Variants in PPARG observed in about 807,000 individuals in gnomAD.
PPARG encodes peroxisome proliferator-activated receptor gamma.
A neutral mutation model predicts 39.2 loss-of-function variants in PPARG; 17 were observed. The observed-to-expected ratio is 0.43, with a 90% CI of 0.30 to 0.65. The LOEUF is 0.65. Among genes scored for constraint, PPARG ranks in the 30% least tolerant of loss-of-function variants. PPARG has a pLI of 0.13. For synonymous variants in PPARG, 223 were observed against 215.7 expected, an observed-to-expected ratio of 1.03 and a Z score of -0.30; for missense variants, 406 against 585.9, an observed-to-expected ratio of 0.69 and a Z score of 3.17.
At chr3:12,399,104 C>A (rs1345120406) in intron 5 of PPARG, among the ~76,000 whole-genome samples, 2 of 152,138 alleles carry the variant, frequency 1.3e-5, no homozygotes, top group African/African-American at 2.4e-5. Context: ...TTCCCCCAGC[C>A]CCATCTGTGC....
At chr3:12,398,527 C>T (rs190773775) in intron 5 of PPARG, among the ~76,000 whole-genome samples, 1 of 152,242 alleles carries the variant, frequency 6.6e-6, no homozygotes, top group Admixed American at 6.5e-5. Context: ...AAAAATAAGG[C>T]TCCAAATTTC....
intron 5 of PPARG, among the ~76,000 whole-genome samples, chr3:12,405,371 C>A (rs1194834470): frequency 1.3e-5 from 2 of 152,188 alleles, no homozygotes; most frequent in African/African-American, 4.8e-5. Context: ...AAAGCACCAT[C>A]CATATTTCTT....
chr3:12,364,809 A>T (rs1021532428), intron 2 of PPARG, among the ~76,000 whole-genome samples: 4 of 152,214 alleles, frequency 2.6e-5, no homozygotes, highest in Admixed American at 1.3e-4. Context: ...ATCTTTTCAC[A>T]TGTTCACATG....
intron 7 of PPARG, among the ~76,000 whole-genome samples, chr3:12,424,052 A>G (rs2051353872): frequency 6.6e-6 from 1 of 152,124 alleles, no homozygotes; most frequent in Non-Finnish European, 1.5e-5. Context: ...TAGTTGGTAA[A>G]ATGGCTTTGA....
chr3:12,303,231 C>G (rs11712037), intron 1 of PPARG, among the ~76,000 whole-genome samples: 14,010 of 151,694 alleles, frequency 0.092, 777 homozygotes, highest in Non-Finnish European at 0.13. Context: ...GAGTCTCACT[C>G]TGTCACCCAG....
chr3:12,390,637 C>CT (rs35190152), intron 4 of PPARG, among the ~76,000 whole-genome samples: 1,651 of 92,268 alleles, frequency 0.018, 88 homozygotes, highest in African/African-American at 0.062. Context: ...TATTTTCTTC[C>CT]TTTTTTTTTT....
chr3:12,322,054 G>A (rs2047561542), intron 2 of PPARG, among the ~76,000 whole-genome samples: 1 of 152,214 alleles, frequency 6.6e-6, no homozygotes, highest in South Asian at 2.1e-4. Flanking sequence ...ATTGAATTAA[G>A]AAAAGAATTT....
intron 2 of PPARG, among the ~76,000 whole-genome samples, chr3:12,333,901 A>G (rs1311901156): frequency 2.0e-5 from 3 of 152,092 alleles, no homozygotes; most frequent in African/African-American, 4.8e-5. Flanking sequence ...CTGTGAAGCC[A>G]TTGTCCCCAG....
At chr3:12,325,329 G>C (rs958252821) in intron 2 of PPARG, among the ~76,000 whole-genome samples, 1 of 152,200 alleles carries the variant, frequency 6.6e-6, no homozygotes, top group African/African-American at 2.4e-5. Context: ...GCTGAGGCAG[G>C]AGAATCACTT....
At chr3:12,403,103 G>A (rs549479760) in intron 5 of PPARG, among the ~76,000 whole-genome samples, 9 of 151,968 alleles carry the variant, frequency 5.9e-5, no homozygotes, top group Admixed American at 2.0e-4. Context: ...GACCAGCCTG[G>A]GCAACATGGT....
chr3:12,291,486 G>A (rs1399706930), intron 1 of PPARG, among the ~76,000 whole-genome samples: 2 of 152,042 alleles, frequency 1.3e-5, no homozygotes, highest in Non-Finnish European at 2.9e-5. Flanking sequence ...TACTGTTTGC[G>A]TTTTCTCAAA....
chr3:12,397,830 G>A (rs4135273), intron 5 of PPARG, among the ~76,000 whole-genome samples: 3,344 of 152,132 alleles, frequency 0.022, 62 homozygotes, highest in South Asian at 0.045. Context: ...TGCTCCAGCT[G>A]CCCTGTCCCT....
chr3:12,325,625 A>C (rs1273604551), intron 2 of PPARG, among the ~76,000 whole-genome samples: 3 of 151,456 alleles, frequency 2.0e-5, no homozygotes, highest in Non-Finnish European at 2.9e-5. Context: ...AAATAAATAA[A>C]GGCTTAGTAT....
At chr3:12,355,308 G>C (rs1472740806) in intron 2 of PPARG, among the ~76,000 whole-genome samples, 1 of 151,984 alleles carries the variant, frequency 6.6e-6, no homozygotes, top group Non-Finnish European at 1.5e-5. Context: ...GCAAATTTTT[G>C]TAATTTTTAT....
chr3:12,336,352 A>C (rs2048013353), intron 2 of PPARG, among the ~76,000 whole-genome samples: 1 of 152,132 alleles, frequency 6.6e-6, no homozygotes, highest in South Asian at 2.1e-4. Context: ...ACTAACGTTA[A>C]GCTTCCTGTC....
chr3:12,309,321 G>GT (rs2047162057), intron 1 of PPARG, among the ~76,000 whole-genome samples: 1 of 152,126 alleles, frequency 6.6e-6, no homozygotes, highest in Non-Finnish European at 1.5e-5. Flanking sequence ...TAATCATACG[G>GT]TTTTTTGACC....
intron 2 of PPARG, among the ~76,000 whole-genome samples, chr3:12,320,919 A>G (rs2047524468): frequency 6.6e-6 from 1 of 152,170 alleles, no homozygotes; most frequent in African/African-American, 2.4e-5. Context: ...TGTTTTTTAC[A>G]TGCTTATCTA....
At chr3:12,342,318 C>T (rs1403272811) in intron 2 of PPARG, among the ~76,000 whole-genome samples, 1 of 152,090 alleles carries the variant, frequency 6.6e-6, no homozygotes, top group African/African-American at 2.4e-5. Flanking sequence ...AGTCAGTGGC[C>T]TTAAAATTAA....
chr3:12,430,733 G>T (rs2051633118), intron 7 of PPARG, among the ~76,000 whole-genome samples: 1 of 152,192 alleles, frequency 6.6e-6, no homozygotes, highest in Non-Finnish European at 1.5e-5. Context: ...CAGGAGAGAG[G>T]AAGGGATACT....
Sources: gnomAD v4.1 joint callset for allele counts (sites outside exome capture counted in the v4.1 genomes callset) on GRCh38, gnomAD v4.1.1 for gene constraint, MANE v1.5 for transcripts, NCBI Gene and HGNC (gene_info 2026-07-23, HGNC 2026-07-21) for gene names.